Variants in EHMT1 observed in about 807,000 individuals in gnomAD.
EHMT1 encodes the protein histone-lysine N-methyltransferase EHMT1.
Under a neutral mutation model 147.2 loss-of-function variants are expected in EHMT1, and 15 were observed. The ratio of observed to expected loss-of-function variants is 0.10; its 90% confidence interval spans 0.07 to 0.16. The LOEUF is 0.16. EHMT1 is among the 10% of genes least tolerant of loss of function. EHMT1 has a pLI of 1.00. For synonymous variants in EHMT1, 795 were observed against 709.6 expected (o/e 1.12, Z -1.91); for missense variants, 1,587 against 1,772.4 (o/e 0.90, Z 1.88).
At chr9:137,711,595 G>C (rs1336968379) in intron 2 of EHMT1, among the ~76,000 whole-genome samples, 3 of 152,206 alleles carry the variant, frequency 2.0e-5, no homozygotes, top group Non-Finnish European at 4.4e-5. Flanking sequence ...GGAGGGAGTG[G>C]TGTGGAAGCA....
At chr9:137,740,330 T>C (rs1049365357) in intron 4 of EHMT1, among the ~76,000 whole-genome samples, 11 of 150,396 alleles carry the variant, frequency 7.3e-5, no homozygotes, top group African/African-American at 2.7e-4. Flanking sequence ...TCGCCCCCCT[T>C]CTTGATGTTC....
At chr9:137,727,664 C>T (rs1045322176) in intron 3 of EHMT1, among the ~76,000 whole-genome samples, 1 of 152,192 alleles carries the variant, frequency 6.6e-6, no homozygotes, top group Non-Finnish European at 1.5e-5. Context: ...TAAACTATCA[C>T]AGGTCTGTAG....
chr9:137,658,044 G>T (rs1368123515), intron 1 of EHMT1, among the ~76,000 whole-genome samples: 1 of 152,078 alleles, frequency 6.6e-6, no homozygotes, highest in African/African-American at 2.4e-5. Context: ...TGGATGATGG[G>T]ATCTCATTCT....
At chr9:137,762,913 T>C in intron 10 of EHMT1, 93 bp downstream of exon 10, 1 of 1,561,032 alleles carries the variant, frequency 6.4e-7, no homozygotes. Flanking sequence ...GAGTGAGTTG[T>C]GCTGCGTGAC....
chr9:137,672,057 A>C (rs1047239538), intron 1 of EHMT1, among the ~76,000 whole-genome samples: 1 of 152,154 alleles, frequency 6.6e-6, no homozygotes, highest in Non-Finnish European at 1.5e-5. Flanking sequence ...CTACATACAG[A>C]TGTGAAGCAT....
chr9:137,772,856 T>C (rs1196535691), intron 10 of EHMT1, among the ~76,000 whole-genome samples: 1 of 152,188 alleles, frequency 6.6e-6, no homozygotes. Flanking sequence ...AAAGGATTCC[T>C]TGTTTTATCT....
intron 25 of EHMT1, among the ~76,000 whole-genome samples, chr9:137,830,415 G>C (rs576740889): frequency 4.4e-4 from 67 of 152,332 alleles, no homozygotes; most frequent in African/African-American, 1.6e-3. Flanking sequence ...TCAGAGGACA[G>C]AGTTATGAAG....
intron 1 of EHMT1, among the ~76,000 whole-genome samples, chr9:137,630,500 A>G (rs1455423588): frequency 6.6e-6 from 1 of 152,206 alleles, no homozygotes; most frequent in African/African-American, 2.4e-5. Flanking sequence ...GAGAAGGTGG[A>G]CAAAGTGTAC....
intron 1 of EHMT1, among the ~76,000 whole-genome samples, chr9:137,649,022 G>A (rs565903829): frequency 6.6e-6 from 1 of 152,180 alleles, no homozygotes; most frequent in Non-Finnish European, 1.5e-5. Context: ...TTGTCGTATC[G>A]TGCTTGAGCT....
chr9:137,635,723 G>C (rs1844001677), intron 1 of EHMT1, among the ~76,000 whole-genome samples: 1 of 150,948 alleles, frequency 6.6e-6, no homozygotes, highest in Non-Finnish European at 1.5e-5. Context: ...GGGAGGCTGA[G>C]GCAGGAGAAT....
intron 3 of EHMT1, among the ~76,000 whole-genome samples, chr9:137,718,153 C>A (rs1945547382): frequency 6.7e-6 from 1 of 149,984 alleles, no homozygotes; most frequent in Non-Finnish European, 1.5e-5. Context: ...CCCTCACACG[C>A]ACCGTGCTGA....
At chr9:137,821,034 CG>C (rs962207561) in intron 25 of EHMT1, among the ~76,000 whole-genome samples, 2 of 152,296 alleles carry the variant, frequency 1.3e-5, no homozygotes, top group African/African-American at 4.8e-5. Context: ...CCCAGCACCA[CG>C]CCCGGCTAAC....
At chr9:137,632,529 G>A (rs898903706) in intron 1 of EHMT1, among the ~76,000 whole-genome samples, 1 of 152,196 alleles carries the variant, frequency 6.6e-6, no homozygotes, top group Non-Finnish European at 1.5e-5. Flanking sequence ...TCAGCCTCCC[G>A]AGTAGCTGGG....
intron 1 of EHMT1, among the ~76,000 whole-genome samples, chr9:137,707,400 T>C (rs980308603): frequency 1.3e-4 from 20 of 152,234 alleles, no homozygotes; most frequent in African/African-American, 4.8e-4. Context: ...GCCTGGTCTG[T>C]CTGCCTCTGC....
rs1231182129 is a variant in EHMT1 at position 137,828,472 on chromosome 9, A to G, written c.3541-5877A>G. Among the ~76,000 whole-genome samples the G allele has an allele frequency of 6.6e-6, 1 of 151,814 alleles. No homozygotes were observed. The highest frequency in any genetic ancestry group is 1.9e-4 in the East Asian group (1 of 5,136). ...TGGTCTGGGCAGTGAGGCCAAGCAGAGCACAGGGTCTCGAGACCCCATGAC... is the reference window on the plus strand; with the variant it reads ...TGGTCTGGGCAGTGAGGCCAAGCAGGGCACAGGGTCTCGAGACCCCATGAC... On this transcript the variant is annotated intron_variant, in intron 25 of 26. Transcript: ENST00000460843. This position sits in a 1 kb window ranked among gnomAD's most constrained non-coding sequence, Gnocchi z 5.3.
At chr9:137,750,715 G>C (rs372120198) in intron 6 of EHMT1, among the ~76,000 whole-genome samples, 1 of 152,176 alleles carries the variant, frequency 6.6e-6, no homozygotes, top group Non-Finnish European at 1.5e-5. Flanking sequence ...GTAGTGGTGG[G>C]GACTGTGCAC....
intron 25 of EHMT1, among the ~76,000 whole-genome samples, chr9:137,832,263 C>T (rs1956251161): frequency 6.6e-6 from 1 of 150,792 alleles, no homozygotes; most frequent in African/African-American, 2.4e-5. Context: ...GCTCCCTCCT[C>T]AGGCCCCGCT....
rs1028008882 is a variant in EHMT1 at position 137,776,004 on chromosome 9, C to T, written c.1792-614C>T. On this transcript the variant is annotated intron_variant, in intron 11 of 26. Transcript: ENST00000460843. This position sits in a 1 kb window ranked among gnomAD's most constrained non-coding sequence, Gnocchi z 4.4. The stretch of plus-strand genomic sequence containing the variant: ...GTGAGCTTCAGGCACCCAGAGATGC[C>T]CTGCTGCCCCTTTACGAACATGGGC... Among the ~76,000 whole-genome samples the T allele has an allele frequency of 2.0e-5, 3 of 152,096 alleles. No homozygotes were observed. The highest frequency in any genetic ancestry group is 7.2e-5 in the African/African-American group (3 of 41,406).
intron 16 of EHMT1, chr9:137,791,965 T>A: frequency 2.5e-6 from 1 of 401,098 alleles, no homozygotes; most frequent in Non-Finnish European, 5.2e-6. Flanking sequence ...ACTCCTGACC[T>A]CAGGTGATCC....
Sources: gnomAD v4.1 joint callset for allele counts (sites outside exome capture counted in the v4.1 genomes callset) on GRCh38, gnomAD v4.1.1 for gene constraint, Gnocchi (gnomAD v3.1) non-coding constraint, MANE v1.5 for transcripts, NCBI Gene and HGNC (gene_info 2026-07-23, HGNC 2026-07-21) for gene names.